The following PTPRD variants were observed in gnomAD, a reference collection of about 807,000 sequenced individuals.
PTPRD encodes protein tyrosine phosphatase receptor type D, also known as receptor-type tyrosine-protein phosphatase delta.
Under a neutral mutation model 214.5 loss-of-function variants are expected in PTPRD, and 34 were observed. The ratio of observed to expected loss-of-function variants is 0.16; its 90% CI spans 0.12 to 0.21. The LOEUF (loss-of-function observed/expected upper bound fraction) is 0.21, where lower values mean the gene tolerates loss of function less well. PTPRD is among the 10% of genes least tolerant of loss of function. The pLI, the probability that PTPRD is intolerant of heterozygous loss-of-function variation, is 1.00. For synonymous variants in PTPRD, 1,128 were observed against 845.7 expected (o/e 1.33, Z -5.79); for missense variants, 2,545 against 2,398.7 (o/e 1.06, Z -1.27).
At chr9:9,185,875 T>TA (rs1266824935) in intron 9 of PTPRD, among the ~76,000 whole-genome samples, 1 of 149,636 alleles carries the variant, frequency 6.7e-6, no homozygotes, top group African/African-American at 2.4e-5. Context: ...TTTTTTTTCT[T>TA]TTTTTTTTTG....
chr9:8,713,546 G>C (rs766419272), intron 12 of PTPRD: 19 of 1,332,536 alleles, frequency 1.4e-5, no homozygotes, highest in Admixed American at 1.0e-4. Context: ...AAGAACTTCG[G>C]GATCTGGCTG....
rs7037883 is a variant in PTPRD, at chr9:8,636,638, G to C, written c.210+61C>G. 2.3e-4 allele frequency: 366 copies of C among 1,578,708 alleles called. 2 individuals are homozygous for C. In the African/African-American group the frequency reaches 4.3e-3, roughly 19 times the overall value. ...CAGAGTAAAGCAAGCAAGTAACGTAGAAACCAAAGACAGAGCAGATACATT... is the reference window on the plus strand; with the variant it reads ...CAGAGTAAAGCAAGCAAGTAACGTACAAACCAAAGACAGAGCAGATACATT... On this transcript the variant is annotated intron_variant, in intron 13 of 45. Coordinates refer to ENST00000381196, the MANE Select transcript of PTPRD (RefSeq NM_002839.4).
chr9:10,449,847 T>C (rs2098828194), intron 2 of PTPRD, among the ~76,000 whole-genome samples: 1 of 151,802 alleles, frequency 6.6e-6, no homozygotes, highest in African/African-American at 2.4e-5. Context: ...TGTTACTGTG[T>C]CTGTATAGAA....
At chr9:10,472,471 T>C (rs1340575923) in intron 2 of PTPRD, among the ~76,000 whole-genome samples, 1 of 152,108 alleles carries the variant, frequency 6.6e-6, no homozygotes, top group African/African-American at 2.4e-5. Flanking sequence ...GGTAAAGCCA[T>C]TCTTGAGGCA....
chr9:9,602,636 C>A (rs965221688), intron 7 of PTPRD, among the ~76,000 whole-genome samples: 18 of 151,608 alleles, frequency 1.2e-4, no homozygotes, highest in Admixed American at 8.5e-4. Flanking sequence ...ATCTTTTTTT[C>A]ATTATTACAA....
chr9:9,224,552 C>T (rs1197851033), intron 9 of PTPRD, among the ~76,000 whole-genome samples: 1 of 151,856 alleles, frequency 6.6e-6, no homozygotes, highest in Non-Finnish European at 1.5e-5. Context: ...CAATAGTCTA[C>T]AGTGAAAATT....
At chr9:9,230,995 C>T (rs1237627796) in intron 9 of PTPRD, among the ~76,000 whole-genome samples, 1 of 152,064 alleles carries the variant, frequency 6.6e-6, no homozygotes, top group East Asian at 1.9e-4. Flanking sequence ...CTTAATCTAC[C>T]AAGTGAGCTG....
intron 34 of PTPRD, among the ~76,000 whole-genome samples, chr9:8,444,047 C>A (rs1481528845): frequency 6.8e-6 from 1 of 148,088 alleles, no homozygotes; most frequent in Non-Finnish European, 1.5e-5. Context: ...GTAATTGGGT[C>A]TCTCTATCAA....
intron 39 of PTPRD, among the ~76,000 whole-genome samples, chr9:8,357,358 G>C (rs1285870623): frequency 1.3e-5 from 2 of 152,190 alleles, no homozygotes; most frequent in Non-Finnish European, 2.9e-5. Context: ...TGCAGGAATA[G>C]CTTGGCAATT....
intron 14 of PTPRD, among the ~76,000 whole-genome samples, chr9:8,598,253 A>G (rs1367569891): frequency 6.6e-6 from 1 of 152,112 alleles, no homozygotes; most frequent in Non-Finnish European, 1.5e-5. Context: ...GGAGTTTGAG[A>G]CCAGCCTGGC....
At chr9:9,824,302 T>G (rs1403244770) in intron 5 of PTPRD, among the ~76,000 whole-genome samples, 1 of 152,000 alleles carries the variant, frequency 6.6e-6, no homozygotes, top group Non-Finnish European at 1.5e-5. Context: ...TCTACTTTCT[T>G]CATTACTTAT....
chr9:9,686,915 C>A (rs1243625306), intron 7 of PTPRD, among the ~76,000 whole-genome samples: 2 of 151,668 alleles, frequency 1.3e-5, no homozygotes, highest in African/African-American at 4.8e-5. Flanking sequence ...ATATGTCTGG[C>A]CTGTTGCTTG....
intron 10 of PTPRD, among the ~76,000 whole-genome samples, chr9:9,023,354 G>A (rs2099576023): frequency 1.3e-5 from 2 of 152,068 alleles, no homozygotes; most frequent in Admixed American, 6.6e-5. Context: ...TTAAATAAAT[G>A]TGCATTACGT....
chr9:10,112,221 C>G (rs1195388315), intron 3 of PTPRD, among the ~76,000 whole-genome samples: 1 of 152,176 alleles, frequency 6.6e-6, no homozygotes, highest in Non-Finnish European at 1.5e-5. Context: ...CAGAAGCCGA[C>G]TAGCCAGGAA....
intron 8 of PTPRD, among the ~76,000 whole-genome samples, chr9:9,441,073 C>G (rs2087508067): frequency 6.6e-6 from 1 of 152,124 alleles, no homozygotes; most frequent in South Asian, 2.1e-4. Context: ...ATATCATTAT[C>G]TCAACCAATA....
chr9:9,189,427 C>G (rs2131751531), intron 9 of PTPRD, among the ~76,000 whole-genome samples: 1 of 152,164 alleles, frequency 6.6e-6, no homozygotes, highest in Non-Finnish European at 1.5e-5. Flanking sequence ...ATTAAATAAA[C>G]ATTGAAATTT....
chr9:9,667,062 G>C (rs1055412882), intron 7 of PTPRD, among the ~76,000 whole-genome samples: 1 of 152,044 alleles, frequency 6.6e-6, no homozygotes, highest in African/African-American at 2.4e-5. Context: ...TTGTTAGCCA[G>C]TCTTTAAGGT....
intron 9 of PTPRD, among the ~76,000 whole-genome samples, chr9:9,213,140 G>A (rs1271416513): frequency 2.0e-5 from 3 of 152,104 alleles, no homozygotes; most frequent in Admixed American, 6.5e-5. Context: ...GCTTCTCAAG[G>A]TGCTCTTATA....
intron 2 of PTPRD, among the ~76,000 whole-genome samples, chr9:10,349,402 G>C (rs1180313450): frequency 6.6e-6 from 1 of 152,010 alleles, no homozygotes; most frequent in Non-Finnish European, 1.5e-5. Flanking sequence ...TACTGCCCCT[G>C]CAGATAAATT....
Sources: gnomAD v4.1 joint callset for allele counts (sites outside exome capture counted in the v4.1 genomes callset) on GRCh38, gnomAD v4.1.1 for gene constraint, MANE v1.5 for transcripts, NCBI Gene and HGNC (gene_info 2026-07-23, HGNC 2026-07-21) for gene names.